LYRM4: variants seen among roughly 807,000 people sequenced by gnomAD.
LYRM4 encodes LYR motif-containing protein 4.
Under a neutral mutation model 11.7 loss-of-function variants are expected in LYRM4, and 9 were observed. The ratio of observed to expected loss-of-function variants is 0.77; its 90% CI spans 0.46 to 1.34. LYRM4 has a LOEUF of 1.34. LYRM4 is among the 40% of genes most tolerant of loss of function. The pLI is 0.00. For synonymous variants in LYRM4, 42 were observed against 40.4 expected (o/e 1.04, Z -0.15); for missense variants, 133 against 112.5 (o/e 1.18, Z -0.82).
intron 1 of LYRM4, among the ~76,000 whole-genome samples, chr6:5,223,148 T>G (rs1357717844): frequency 6.6e-6 from 1 of 152,200 alleles, no homozygotes; most frequent in Non-Finnish European, 1.5e-5. Context: ...AAGAAAGAAT[T>G]TTAAGCAGTT....
the LYRM4 span, chr6:5,034,075 C>A: frequency 6.6e-6 from 1 of 152,334 alleles, no homozygotes; most frequent in Non-Finnish European, 1.5e-5. Context: ...TAAAATGTCC[C>A]CAGGCACGGT....
the LYRM4 span, among the ~76,000 whole-genome samples, chr6:5,049,779 C>T: frequency 6.6e-6 from 1 of 152,010 alleles, no homozygotes; most frequent in Non-Finnish European, 1.5e-5. Flanking sequence ...AAACGATTCT[C>T]CTGTCTCAGC....
At chr6:5,073,696 A>G in the LYRM4 span, among the ~76,000 whole-genome samples, 1 of 152,046 alleles carries the variant, frequency 6.6e-6, no homozygotes, top group African/African-American at 2.4e-5. Context: ...ATAAAATAAA[A>G]TGTGACTCTC....
rs2127792466 is a variant in LYRM4, at chr6:5,260,870, A to C, written c.-137T>G. The C allele has an allele frequency of 6.8e-7, 1 of 1,459,950 alleles. No individual in the cohort carries two copies. The highest frequency in any genetic ancestry group is 1.4e-5 in the African/African-American group (1 of 69,626). 90.4% of individuals were successfully genotyped at this position (1,459,950 alleles called of 1,614,324 possible). ...TCGGCTTTGCCAGCGGGCCGGGCCT[A>C]AGCCTAAGCGGGCAGCCCTGCGGAT... On this transcript the variant is annotated 5_prime_UTR_variant, in exon 1 of 3. Coordinates refer to ENST00000330636, the MANE Select transcript of LYRM4 (RefSeq NM_020408.6).
intron 2 of LYRM4, among the ~76,000 whole-genome samples, chr6:5,192,868 A>G (rs1297868476): frequency 1.3e-5 from 2 of 152,184 alleles, no homozygotes; most frequent in African/African-American, 4.8e-5. Flanking sequence ...TCTACTAAAA[A>G]TACAAAAATT....
Position 5,241,187 on chromosome 6 carries a change from T to TA in LYRM4, c.86+19460dup, listed in dbSNP as rs200170027. Among the ~76,000 whole-genome samples, 111 of 150,870 alleles carry TA rather than the reference T, an allele frequency of 7.4e-4. 1 individual carries two copies. Among genetic ancestry groups the TA allele is most frequent in the African/African-American group, 2.4e-3 (99 of 41,184 alleles). On this transcript the variant is annotated intron_variant, in intron 1 of 2. Coordinates refer to ENST00000330636, the MANE Select transcript of LYRM4 (RefSeq NM_020408.6). ...TGTCCGGCCCATGGGAGATGGTTAA[T>TA]AAAAAAAAAGAGCTGTTATGATTGT...
chr6:5,173,248 T>C (rs1759531453), intron 2 of LYRM4, among the ~76,000 whole-genome samples: 1 of 152,242 alleles, frequency 6.6e-6, no homozygotes, highest in African/African-American at 2.4e-5. Flanking sequence ...CATTACATGT[T>C]TGTTAATACC....
chr6:5,068,202 A>G, the LYRM4 span, among the ~76,000 whole-genome samples: 6 of 152,114 alleles, frequency 3.9e-5, no homozygotes, highest in Non-Finnish European at 1.5e-5. The surrounding 1 kb of genome is among the most constrained non-coding windows in gnomAD (Gnocchi z 4.0). Context: ...TTGTCTATTC[A>G]CCGTCACACT....
chr6:5,185,033 C>T (rs996492362), intron 2 of LYRM4, among the ~76,000 whole-genome samples: 7 of 152,166 alleles, frequency 4.6e-5, no homozygotes, highest in African/African-American at 1.4e-4. Context: ...TTGTCATTGA[C>T]GCACTGAAGT....
intron 2 of LYRM4, among the ~76,000 whole-genome samples, chr6:5,142,611 T>G (rs1337063025): frequency 6.6e-6 from 1 of 152,208 alleles, no homozygotes; most frequent in Non-Finnish European, 1.5e-5. Context: ...TTGCTAGATT[T>G]CTTGATTTTC....
At chr6:5,237,603 A>G (rs1344228259) in intron 1 of LYRM4, among the ~76,000 whole-genome samples, 1 of 152,132 alleles carries the variant, frequency 6.6e-6, no homozygotes, top group Non-Finnish European at 1.5e-5. Flanking sequence ...CCTGGTGCCA[A>G]AAAGGTTGGG....
the LYRM4 span, among the ~76,000 whole-genome samples, chr6:5,093,100 C>T: frequency 7.2e-5 from 11 of 152,046 alleles, no homozygotes; most frequent in African/African-American, 1.4e-4. Flanking sequence ...TCTGTGAGTC[C>T]CCCACCCGCA....
the LYRM4 span, among the ~76,000 whole-genome samples, chr6:5,049,296 G>C: frequency 1.3e-5 from 2 of 152,062 alleles, no homozygotes; most frequent in Admixed American, 6.6e-5. Context: ...TGGGCGGATG[G>C]GCTCTCCATT....
At chr6:5,079,542 C>T in the LYRM4 span, among the ~76,000 whole-genome samples, 1 of 152,214 alleles carries the variant, frequency 6.6e-6, no homozygotes, top group African/African-American at 2.4e-5. Context: ...AATTCCCTAT[C>T]TGAAACTTCA....
intron 1 of LYRM4, among the ~76,000 whole-genome samples, chr6:5,232,434 A>G (rs1763296406): frequency 6.6e-6 from 1 of 152,256 alleles, no homozygotes; most frequent in Non-Finnish European, 1.5e-5. Flanking sequence ...TGGAAAAGAC[A>G]GGCAACTGAG....
chr6:5,048,523 G>A, the LYRM4 span, among the ~76,000 whole-genome samples: 1 of 152,068 alleles, frequency 6.6e-6, no homozygotes, highest in Non-Finnish European at 1.5e-5. Context: ...TGCCCAGGCT[G>A]GTCTTGAACT....
At chr6:5,213,281 G>C (rs1762080147) in intron 2 of LYRM4, among the ~76,000 whole-genome samples, 1 of 152,206 alleles carries the variant, frequency 6.6e-6, no homozygotes, top group Non-Finnish European at 1.5e-5. Flanking sequence ...TTTTTGTCCA[G>C]AGACTTATTT....
At chr6:5,135,641 C>T (rs1757053913) in intron 2 of LYRM4, among the ~76,000 whole-genome samples, 1 of 152,146 alleles carries the variant, frequency 6.6e-6, no homozygotes, top group Non-Finnish European at 1.5e-5. Context: ...GGCCTGTCTC[C>T]TCCAAAGACG....
the LYRM4 span, among the ~76,000 whole-genome samples, chr6:5,057,229 G>A: frequency 6.6e-6 from 1 of 152,104 alleles, no homozygotes; most frequent in Admixed American, 6.5e-5. Flanking sequence ...GGGCCCACGA[G>A]CCACACCCTG....
Sources: gnomAD v4.1 joint callset for allele counts (sites outside exome capture counted in the v4.1 genomes callset) on GRCh38, gnomAD v4.1.1 for gene constraint, Gnocchi (gnomAD v3.1) non-coding constraint, MANE v1.5 for transcripts, NCBI Gene and HGNC (gene_info 2026-07-23, HGNC 2026-07-21) for gene names.